The following MED26 variants were observed in gnomAD, a reference collection of about 807,000 sequenced individuals.
MED26 encodes the protein mediator complex subunit 26.
MED26 carries 7 observed loss-of-function variants against 43.7 expected under a neutral mutation model. The observed-to-expected ratio is 0.16, with a 90% CI of 0.09 to 0.30. The LOEUF is 0.30. Among genes scored for constraint, MED26 ranks in the 10% least tolerant of loss-of-function variants. The pLI is 1.00. For missense variants in MED26, 784 were observed against 840.6 expected, an observed-to-expected ratio of 0.93 and a Z score of 0.83; for synonymous variants, 375 against 371.1, an observed-to-expected ratio of 1.01 and a Z score of -0.12.
intron 1 of MED26, among the ~76,000 whole-genome samples, chr19:16,613,800 C>T (rs1371692079): frequency 6.6e-6 from 1 of 152,134 alleles, no homozygotes; most frequent in Non-Finnish European, 1.5e-5. Flanking sequence ...AGGATAAAGT[C>T]CTTATAGTCC....
At chr19:16,593,252 C>T (rs1278500611) in intron 1 of MED26, among the ~76,000 whole-genome samples, 1 of 152,232 alleles carries the variant, frequency 6.6e-6, no homozygotes, top group Non-Finnish European at 1.5e-5. Context: ...CAAATCACCA[C>T]CTCACCATTC....
chr19:16,593,019 CTG>C (rs2086104934), intron 1 of MED26, among the ~76,000 whole-genome samples: 1 of 152,240 alleles, frequency 6.6e-6, no homozygotes, highest in Non-Finnish European at 1.5e-5. Context: ...GGCGCCGACT[CTG>C]TAGGTGGGCC....
At chr19:16,606,739 TGAGACAGGG>T (rs2086175259) in intron 1 of MED26, among the ~76,000 whole-genome samples, 1 of 152,144 alleles carries the variant, frequency 6.6e-6, no homozygotes, top group Non-Finnish European at 1.5e-5. Flanking sequence ...GGGAGTAGGC[TGAGACAGGG>T]CTGCTCGTTT....
intron 1 of MED26, chr19:16,612,179 C>T (rs541708629): frequency 7.9e-5 from 12 of 152,364 alleles, no homozygotes; most frequent in Admixed American, 7.8e-4. Flanking sequence ...CAAGGCCATT[C>T]TGCCCACATG....
intron 1 of MED26, among the ~76,000 whole-genome samples, chr19:16,616,871 C>T (rs910788046): frequency 6.6e-6 from 1 of 152,168 alleles, no homozygotes; most frequent in Admixed American, 6.5e-5. Flanking sequence ...GACACCCCCC[C>T]ACTGCTAGGC....
intron 1 of MED26, among the ~76,000 whole-genome samples, chr19:16,627,125 G>A (rs2086281842): frequency 6.6e-6 from 1 of 152,120 alleles, no homozygotes; most frequent in Non-Finnish European, 1.5e-5. Flanking sequence ...AAACGGGAGA[G>A]AAAAGTCCTC....
At position 16,576,906 on chromosome 19, in the gene MED26, A is replaced by G. The variant is rs771524464; in HGVS notation, c.924T>C (p.Asp308=). The change falls in exon 3 of 3, where the codon GAT becomes GAC. Residue 308 remains aspartate, a synonymous_variant. Coordinates refer to ENST00000263390, the MANE Select transcript of MED26 (RefSeq NM_004831.5). This position sits in a 1 kb window ranked among gnomAD's most constrained non-coding sequence, Gnocchi z 6.8. ...PSPSPRPQAL[D]ATQVPSPLPL... ...GAAGCGGTGACGGCACCTGTGTGGC[A>G]TCGAGTGCCTGGGGCCGCGGTGAGG... 6.2e-7 allele frequency: 1 copy of G among 1,602,742 alleles called. No homozygotes were observed. Among genetic ancestry groups the G allele is most frequent in the Non-Finnish European group, 8.5e-7 (1 of 1,173,610 alleles).
chr19:16,620,256 A>G (rs1171257104), intron 1 of MED26, among the ~76,000 whole-genome samples: 1 of 152,212 alleles, frequency 6.6e-6, no homozygotes, highest in Non-Finnish European at 1.5e-5. Flanking sequence ...GGCCTCTCAC[A>G]TGACAAGGGA....
intron 1 of MED26, among the ~76,000 whole-genome samples, chr19:16,603,555 T>C (rs772844197): frequency 5.9e-5 from 9 of 152,236 alleles, no homozygotes; most frequent in Non-Finnish European, 1.2e-4. Flanking sequence ...TAATACCACA[T>C]CTGCAGGAGC....
intron 1 of MED26, among the ~76,000 whole-genome samples, chr19:16,580,951 A>G (rs921278963): frequency 2.0e-5 from 3 of 152,058 alleles, no homozygotes; most frequent in African/African-American, 7.2e-5. Context: ...CATGTACGGT[A>G]CCATGTGCCC....
At chr19:16,618,918 G>A (rs1281226756) in intron 1 of MED26, among the ~76,000 whole-genome samples, 2 of 152,238 alleles carry the variant, frequency 1.3e-5, no homozygotes, top group Non-Finnish European at 2.9e-5. Flanking sequence ...CTGCTGGGAT[G>A]GAGAGGAAGA....
intron 1 of MED26, among the ~76,000 whole-genome samples, chr19:16,580,220 A>C (rs1263574835): frequency 6.6e-6 from 1 of 152,206 alleles, no homozygotes; most frequent in African/African-American, 2.4e-5. Context: ...TTTCCGTAAC[A>C]CATGATTGTA....
chr19:16,582,452 A>G (rs995565575), intron 1 of MED26, among the ~76,000 whole-genome samples: 2 of 152,260 alleles, frequency 1.3e-5, no homozygotes, highest in Admixed American at 6.5e-5. Flanking sequence ...AAGAACACTT[A>G]GCACCCAATT....
chr19:16,619,300 GTGAA>G (rs920067425), intron 1 of MED26, among the ~76,000 whole-genome samples: 8 of 152,234 alleles, frequency 5.3e-5, no homozygotes, highest in African/African-American at 1.9e-4. Context: ...CACCTGGGAG[GTGAA>G]TGGAGTTGGG....
intron 1 of MED26, chr19:16,610,523 C>T (rs117186325): frequency 0.062 from 9,434 of 151,818 alleles, 400 homozygotes; most frequent in Middle Eastern, 0.099. Flanking sequence ...CTCCTGGTAG[C>T]TGGGATTACA....
intron 1 of MED26, among the ~76,000 whole-genome samples, chr19:16,582,812 A>G (rs1184408081): frequency 1.3e-5 from 2 of 152,208 alleles, no homozygotes; most frequent in Non-Finnish European, 2.9e-5. Context: ...AGCAGAAAAG[A>G]GCTGGAGAAG....
At chr19:16,578,273 G>C in intron 2 of MED26, 62 bp downstream of exon 2, 1 of 1,463,036 alleles carries the variant, frequency 6.8e-7, no homozygotes, top group Non-Finnish European at 9.6e-7. Context: ...GGAAGGACCT[G>C]GTTGGTACCA....
Position 16,620,005 on chromosome 19 carries a change from C to T in MED26, c.72+7867G>A, listed in dbSNP as rs576113313. ...GTGACATTTGAACAGTGTCTAGGGA[C>T]CATGGACAGGCAGAAATCTAAGATC... On this transcript the variant is annotated intron_variant, in intron 1 of 2. Coordinates refer to ENST00000263390, the MANE Select transcript of MED26 (RefSeq NM_004831.5). Among the ~76,000 whole-genome samples the T allele has an allele frequency of 5.9e-5, 9 of 152,292 alleles. No individual in the cohort carries two copies. The South Asian group carries it at 1.5e-3, about 25-fold the overall frequency.
At chr19:16,606,177 G>A (rs928000111) in intron 1 of MED26, among the ~76,000 whole-genome samples, 1 of 152,240 alleles carries the variant, frequency 6.6e-6, no homozygotes, top group Non-Finnish European at 1.5e-5. Flanking sequence ...GCCAGCAGGA[G>A]AGGCTGCGGT....
Sources: gnomAD v4.1 joint callset for allele counts (sites outside exome capture counted in the v4.1 genomes callset) on GRCh38, gnomAD v4.1.1 for gene constraint, Gnocchi (gnomAD v3.1) non-coding constraint, MANE v1.5 for transcripts, NCBI Gene and HGNC (gene_info 2026-07-23, HGNC 2026-07-21) for gene names.